The following ADAM12 variants were observed in gnomAD, a reference collection of about 807,000 sequenced individuals.
The protein encoded by ADAM12 is ADAM metallopeptidase domain 12.
ADAM12 carries 70 observed loss-of-function variants against 106.4 expected under a neutral mutation model. The ratio of observed to expected loss-of-function variants is 0.66; its 90% CI spans 0.54 to 0.80. The LOEUF is 0.80. Ranked by LOEUF, ADAM12 falls within the 30% of genes least tolerant of loss-of-function variation. The pLI, the probability that ADAM12 is intolerant of heterozygous loss-of-function variation, is 0.00. For synonymous variants in ADAM12, 420 were observed against 433.5 expected (o/e 0.97, Z 0.39); for missense variants, 1,010 against 1,171.9 (o/e 0.86, Z 2.02).
chr10:126,388,208 G>A lies in ADAM12; in HGVS notation c.-63C>T. ...CGGCGAGCGCTGCACCATCCCACGC[G>A]GGCGCCGAGCCGGGGCCGGGCGTCG... On this transcript the variant is annotated 5_prime_UTR_variant, in exon 1 of 23. Transcript: ENST00000448723. This position sits in a 1 kb window ranked among gnomAD's most constrained non-coding sequence, Gnocchi z 4.4. The A allele has an allele frequency of 5.8e-6, 7 of 1,196,796 alleles. No homozygotes were observed. Among genetic ancestry groups the A allele is most frequent in the Non-Finnish European group, 6.2e-6 (6 of 965,230 alleles). The allele number at this position is 1,196,796 out of a possible 1,614,324, so 74.1% of individuals were successfully genotyped here.
At position 126,163,025 on chromosome 10, in the gene ADAM12, C is replaced by T. The variant is rs187990958; in HGVS notation, c.261-7720G>A. 4.6e-5 allele frequency among the ~76,000 whole-genome samples: 7 copies of T among 152,232 alleles called. No individual in the cohort carries two copies. In the East Asian group the frequency reaches 1.2e-3, roughly 25 times the overall value. ...GTGGCACCTCCTCCTCCCACCCCTTCCTCTCACTTTCTCCCGCTTTCATCA... is the reference window on the plus strand; with the variant it reads ...GTGGCACCTCCTCCTCCCACCCCTTTCTCTCACTTTCTCCCGCTTTCATCA... On this transcript the variant is annotated intron_variant, in intron 3 of 22. Coordinates refer to ENST00000448723, the MANE Select transcript of ADAM12 (RefSeq NM_001288973.2).
At chr10:126,251,004 T>TGATGTTATGGG (rs2133681640) in intron 3 of ADAM12, among the ~76,000 whole-genome samples, 1 of 152,330 alleles carries the variant, frequency 6.6e-6, no homozygotes, top group East Asian at 1.9e-4. Flanking sequence ...TTGACACACA[T>TGATGTTATGGG]GATGTTAATC....
chr10:126,135,666 G>A lies in ADAM12; in HGVS notation c.340-6C>T, dbSNP rs780554555. 4 of 1,612,604 alleles carry A rather than the reference G, an allele frequency of 2.5e-6. No homozygotes were observed. Among genetic ancestry groups the A allele is most frequent in the East Asian group, 2.2e-5 (1 of 44,894 alleles). On this transcript the variant is annotated splice_polypyrimidine_tract_variant and splice_region_variant and intron_variant, in intron 4 of 22. Transcript: ENST00000448723. ...CCATGGTAGTAACAGTGACCCTAAA[G>A]GGGAGGAGGAGAGAATCCCATTTCA...
At chr10:126,138,313 T>C (rs1956443803) in intron 4 of ADAM12, among the ~76,000 whole-genome samples, 1 of 152,204 alleles carries the variant, frequency 6.6e-6, no homozygotes, top group South Asian at 2.1e-4. Context: ...TTATTAGATA[T>C]ATGATTTACA....
At chr10:126,121,435 AT>A (rs1956110539) in intron 5 of ADAM12, among the ~76,000 whole-genome samples, 2 of 132,238 alleles carry the variant, frequency 1.5e-5, no homozygotes, top group Admixed American at 1.6e-4. Context: ...TATATTATAT[AT>A]TGCATATTAT....
rs1374318459 is a variant in ADAM12 at position 126,363,285 on chromosome 10, C to T, written c.88+24773G>A. 2.0e-5 allele frequency among the ~76,000 whole-genome samples: 3 copies of T among 152,158 alleles called. No individual in the cohort carries two copies. In the East Asian group the frequency reaches 5.8e-4, roughly 29 times the overall value. On this transcript the variant is annotated intron_variant, in intron 1 of 22. Coordinates refer to ENST00000448723, the MANE Select transcript of ADAM12 (RefSeq NM_001288973.2). ...CAAAAATCTGTACAAGATTTATGTT[C>T]CATAAAGATATTGGGGCCAGATAAT...
intron 1 of ADAM12, among the ~76,000 whole-genome samples, chr10:126,331,895 GAA>G (rs997210420): frequency 6.6e-6 from 1 of 152,144 alleles, no homozygotes; most frequent in Non-Finnish European, 1.5e-5. Context: ...GCTTGGAGGT[GAA>G]AAGAGTCGAC....
At chr10:126,266,348 C>T (rs1959096886) in intron 3 of ADAM12, among the ~76,000 whole-genome samples, 1 of 152,186 alleles carries the variant, frequency 6.6e-6, no homozygotes, top group Admixed American at 6.5e-5. Flanking sequence ...TTGACCTGGT[C>T]TGACCATCAA....
At chr10:126,324,732 T>C (rs1854231303) in intron 2 of ADAM12, among the ~76,000 whole-genome samples, 1 of 152,020 alleles carries the variant, frequency 6.6e-6, no homozygotes, top group East Asian at 1.9e-4. Flanking sequence ...GACAATTAAA[T>C]TAAGTGGGAG....
At chr10:126,341,387 T>C (rs1313992680) in intron 1 of ADAM12, among the ~76,000 whole-genome samples, 4 of 152,192 alleles carry the variant, frequency 2.6e-5, no homozygotes, top group Non-Finnish European at 4.4e-5. Context: ...CATGGCCTCA[T>C]TGTGATCATG....
At chr10:126,138,959 G>A (rs1956459535) in intron 4 of ADAM12, among the ~76,000 whole-genome samples, 1 of 152,042 alleles carries the variant, frequency 6.6e-6, no homozygotes, top group South Asian at 2.1e-4. Flanking sequence ...AGAACCATTT[G>A]TTGAAACACC....
Position 126,330,504 on chromosome 10 carries a change from T to C in ADAM12, c.94A>G (p.Ser32Gly), listed in dbSNP as rs1332983826. ...LLAPCEARGV[S>G]LWNQGRADEV... ...TCAGCTCTTCCTTGGTTCCATAAGCTCACCCCTGAATCAAAAGGAAAACAG... is the reference window on the plus strand; with the variant it reads ...TCAGCTCTTCCTTGGTTCCATAAGCCCACCCCTGAATCAAAAGGAAAACAG... Residue 32 changes from serine (S) to glycine (G), a missense_variant, in exon 2 of 23, where the codon AGC becomes GGC. Physicochemically the swap from Ser to Gly is moderately conservative, Grantham distance 56 (BLOSUM62 0). Transcript: ENST00000448723. The C allele has an allele frequency of 4.3e-6, 7 of 1,613,310 alleles. No individual in the cohort carries two copies. The highest frequency in any genetic ancestry group is 5.9e-6 in the Non-Finnish European group (7 of 1,179,816).
chr10:126,276,391 A>G (rs1959246523), intron 3 of ADAM12, among the ~76,000 whole-genome samples: 2 of 152,212 alleles, frequency 1.3e-5, no homozygotes, highest in Admixed American at 6.5e-5. Context: ...ATTATATACT[A>G]AATGATTGAT....
chr10:126,314,616 T>G (rs1181698608), intron 2 of ADAM12, among the ~76,000 whole-genome samples: 1 of 152,090 alleles, frequency 6.6e-6, no homozygotes, highest in Non-Finnish European at 1.5e-5. Context: ...TATATAAAAT[T>G]TTCAATACTC....
intron 5 of ADAM12, among the ~76,000 whole-genome samples, chr10:126,130,260 C>G (rs1455951063): frequency 1.3e-5 from 2 of 152,106 alleles, no homozygotes; most frequent in African/African-American, 4.8e-5. Context: ...GATACAGCTT[C>G]CCCTCACCCT....
Position 126,312,855 on chromosome 10 carries a change from G to T in ADAM12, c.186+17557C>A, listed in dbSNP as rs1449559044. Among the ~76,000 whole-genome samples, 3 of 152,140 alleles carry T rather than the reference G, an allele frequency of 2.0e-5. No individual in the cohort carries two copies. In the East Asian group the frequency reaches 5.8e-4, roughly 29 times the overall value. ...ATGCCCTCTCATCGCAGCCACATAT[G>T]CACGTGAACATATGTGAGCCACATC... On this transcript the variant is annotated intron_variant, in intron 2 of 22. Coordinates refer to ENST00000448723, the MANE Select transcript of ADAM12 (RefSeq NM_001288973.2).
chr10:126,136,981 C>T (rs771280342), intron 4 of ADAM12, among the ~76,000 whole-genome samples: 5 of 151,934 alleles, frequency 3.3e-5, no homozygotes, highest in Admixed American at 6.6e-5. Context: ...GCATTTGTCG[C>T]TCTCTTCATG....
rs529181139 is a variant in ADAM12, at chr10:126,083,486, T to C, written c.1145+10499A>G. Among the ~76,000 whole-genome samples the C allele has an allele frequency of 7.9e-5, 12 of 152,284 alleles. No homozygotes were observed. The South Asian group carries it at 2.5e-3, about 32-fold the overall frequency. ...TCCATGGGTTGGGAGAGGCAGCTGC[T>C]CCGATGCCTCGGGACTCCCTGGAGC... On this transcript the variant is annotated intron_variant, in intron 11 of 22. Transcript: ENST00000448723.
At position 126,214,327 on chromosome 10, in the gene ADAM12, C is replaced by T. The variant is rs533288219; in HGVS notation, c.261-59022G>A. ...CCTCCCTCTGTTTCTCTATCTGTAA[C>T]GTGGGGGAGGGTAAGAGTTTCTACC... On this transcript the variant is annotated intron_variant, in intron 3 of 22. Coordinates refer to ENST00000448723, the MANE Select transcript of ADAM12 (RefSeq NM_001288973.2). Among the ~76,000 whole-genome samples the T allele has an allele frequency of 1.8e-3, 274 of 152,264 alleles. 1 individual carries two copies. Among genetic ancestry groups the T allele is most frequent in the African/African-American group, 3.4e-3 (141 of 41,540 alleles).
Sources: allele counts gnomAD v4.1 joint callset (sites outside exome capture counted in the v4.1 genomes callset), GRCh38; gene constraint gnomAD v4.1.1; non-coding constraint Gnocchi (gnomAD v3.1); transcripts MANE v1.5; gene names NCBI Gene and HGNC (gene_info 2026-07-23, HGNC 2026-07-21).